Variants in CRBN observed in about 807,000 individuals in gnomAD.
CRBN encodes the protein protein cereblon.
Under a neutral mutation model 62.2 loss-of-function variants are expected in CRBN, and 53 were observed. That is an observed-to-expected ratio of 0.85 (90% CI 0.68 to 1.07). CRBN has a LOEUF of 1.07. Among genes scored for constraint, CRBN ranks in the 50% least tolerant of loss-of-function variants. CRBN has a pLI of 0.00. For synonymous variants in CRBN, 208 were observed against 176.1 expected (o/e 1.18, Z -1.43); for missense variants, 616 against 531.1 (o/e 1.16, Z -1.57).
At chr3:3,156,031 TG>T in intron 6 of CRBN, 187 bp downstream of exon 6, 1 of 584,892 alleles carries the variant, frequency 1.7e-6, no homozygotes, top group South Asian at 2.1e-5. Flanking sequence ...CTTGAATGCC[TG>T]GCTTCAAGCA....
At chr3:3,153,786 A>C (rs1468853299) in intron 8 of CRBN, 174 bp downstream of exon 8, 1 of 644,912 alleles carries the variant, frequency 1.6e-6, no homozygotes, top group Non-Finnish European at 2.8e-6. Context: ...TGATAAATGT[A>C]TTCATATTTG....
chr3:3,158,357 A>C lies in CRBN; in HGVS notation c.688-2076T>G, dbSNP rs78345121. Among the ~76,000 whole-genome samples, 131 of 152,298 alleles carry C rather than the reference A, an allele frequency of 8.6e-4. 4 individuals are homozygous for C. In the East Asian group the frequency reaches 0.024, roughly 28 times the overall value. On this transcript the variant is annotated intron_variant, in intron 5 of 10. Coordinates refer to ENST00000231948, the MANE Select transcript of CRBN (RefSeq NM_016302.4). ...CCCGGTTCCTAACAGGCCACAGACCAGTGCTGGTTCGTGGGCCAGGATTTG... is the reference window on the plus strand; with the variant it reads ...CCCGGTTCCTAACAGGCCACAGACCCGTGCTGGTTCGTGGGCCAGGATTTG...
intron 5 of CRBN, among the ~76,000 whole-genome samples, chr3:3,165,309 A>C (rs1332586975): frequency 2.0e-5 from 3 of 152,252 alleles, no homozygotes; most frequent in Admixed American, 6.5e-5. Flanking sequence ...AAGTTCTGAC[A>C]GGACTGACTC....
chr3:3,167,505 A>G, intron 5 of CRBN, 129 bp downstream of exon 5: 1 of 881,886 alleles, frequency 1.1e-6, no homozygotes, highest in Admixed American at 2.4e-5. Flanking sequence ...AGAGGATCAA[A>G]TGTAGCTGGA....
chr3:3,174,088 T>A lies in CRBN; in HGVS notation c.348A>T (p.Lys116Asn), dbSNP rs145695200. ...EVSMVRNLIQ[K>N]DRTFAVLAYS... ...ATGCAAGAACAGCAAAGGTTCTATC[T>A]TTCTGAATTAAATTCCGCACCATAC... is the stretch of plus-strand genomic sequence containing the variant. The change falls in exon 3 of 11, where the codon AAA becomes AAT. Residue 116 changes from lysine to asparagine, a missense_variant. Transcript: ENST00000231948. 1.2e-6 allele frequency: 2 copies of A among 1,614,166 alleles called. No individual in the cohort carries two copies. Among genetic ancestry groups the A allele is most frequent in the African/African-American group, 2.7e-5 (2 of 75,050 alleles).
At chr3:3,163,797 TCA>T (rs2126061722) in intron 5 of CRBN, among the ~76,000 whole-genome samples, 1 of 152,366 alleles carries the variant, frequency 6.6e-6, no homozygotes, top group East Asian at 1.9e-4. Context: ...ATACTGTGAT[TCA>T]CAGATACTGC....
rs565748193 is a variant in CRBN at position 3,154,739 on chromosome 3, T to C, written c.835+8A>G. On this transcript the variant is annotated splice_region_variant and intron_variant, in intron 7 of 10. Coordinates refer to ENST00000231948, the MANE Select transcript of CRBN (RefSeq NM_016302.4). ...CCAGGCTCCAGGCAGGAAACTAACT[T>C]TTCATACCTATTGGATTTGAAGGAA... 2.0e-6 allele frequency: 3 copies of C among 1,537,928 alleles called. No individual in the cohort carries two copies. In the South Asian group the frequency reaches 3.4e-5, roughly 17 times the overall value.
chr3:3,171,896 C>G (rs899818791), intron 4 of CRBN, among the ~76,000 whole-genome samples: 4 of 152,122 alleles, frequency 2.6e-5, no homozygotes, highest in African/African-American at 9.7e-5. Flanking sequence ...AAATTGGAAA[C>G]CAATTCACTA....
Position 3,151,018 on chromosome 3 carries a change from C to G in CRBN, c.1176G>C (p.Lys392Asn). 2 of 1,613,788 alleles carry G rather than the reference C, an allele frequency of 1.2e-6. No individual in the cohort carries two copies. Among genetic ancestry groups the G allele is most frequent in the East Asian group, 2.2e-5 (1 of 44,856 alleles). Residue 392 changes from lysine (K) to asparagine (N), a missense_variant, in exon 11 of 11, where the codon AAG becomes AAC. By Grantham distance (94) the Lys-to-Asn change is moderately conservative (BLOSUM62 0). Coordinates refer to ENST00000231948, the MANE Select transcript of CRBN (RefSeq NM_016302.4). ...TCCATCCAATATGGCTTGCACAGAT[C>G]TTACACTGGGCAACAGTCCAGGCAT... Reference protein sequence around the residue: ...PGYAWTVAQCKICASHIGWKF... With the variant: ...PGYAWTVAQCNICASHIGWKF...
intron 2 of CRBN, among the ~76,000 whole-genome samples, chr3:3,174,735 A>C (rs1035979871): frequency 1.3e-5 from 2 of 152,234 alleles, no homozygotes; most frequent in African/African-American, 4.8e-5. Flanking sequence ...TTTTAATCTA[A>C]CTTTAACTCT....
intron 5 of CRBN, among the ~76,000 whole-genome samples, chr3:3,160,966 A>T (rs943359734): frequency 3.3e-5 from 5 of 152,244 alleles, no homozygotes; most frequent in Non-Finnish European, 5.9e-5. Context: ...AATTTATATC[A>T]GGATCAACTG....
intron 4 of CRBN, chr3:3,172,564 G>T: frequency 1.7e-6 from 1 of 585,750 alleles, no homozygotes; most frequent in South Asian, 2.1e-5. Context: ...TGGGAGATGA[G>T]GTTGGAACTC....
intron 1 of CRBN, among the ~76,000 whole-genome samples, chr3:3,176,737 A>G (rs1707837523): frequency 6.6e-6 from 1 of 152,276 alleles, no homozygotes; most frequent in Non-Finnish European, 1.5e-5. Flanking sequence ...CTCCATCTCA[A>G]AAGAAAGAAA....
Position 3,156,002 on chromosome 3 carries a change from C to T in CRBN, c.750+217G>A, listed in dbSNP as rs1706875553. ...TTGTATTTGTAGAGATGGGGTTTCA[C>T]CATGTTGCCCAGGCTGGTCTTGAAT... is the stretch of plus-strand genomic sequence containing the variant. On this transcript the variant is annotated intron_variant, in intron 6 of 10. Coordinates refer to ENST00000231948, the MANE Select transcript of CRBN (RefSeq NM_016302.4). 9.7e-6 allele frequency: 5 copies of T among 516,700 alleles called. No homozygotes were observed. In the South Asian group the frequency reaches 1.1e-4, roughly 12 times the overall value. 32.0% of individuals were successfully genotyped at this position (516,700 alleles called of 1,614,324 possible).
At chr3:3,173,771 C>G (rs1211633390) in intron 3 of CRBN, 11 of 431,128 alleles carry the variant, frequency 2.6e-5, no homozygotes, top group Middle Eastern at 6.6e-4. Flanking sequence ...GTTATTGAAA[C>G]TAAGATTCCA....
At chr3:3,177,870 A>G (rs565394890) in intron 1 of CRBN, among the ~76,000 whole-genome samples, 4 of 152,242 alleles carry the variant, frequency 2.6e-5, no homozygotes, top group African/African-American at 9.6e-5. Flanking sequence ...CTTCAGAACA[A>G]CTCGTACTAC....
In CRBN at chr3:3,150,398, T is replaced by C. The variant is rs3933095; in HGVS notation, c.*467A>G. Reference sequence around the variant, plus strand: ...ATTAATATACATTGCCTTGCTTCTTTCCAAAAGGAACATGTACTTGTCACC... The same window carrying C: ...ATTAATATACATTGCCTTGCTTCTTCCCAAAAGGAACATGTACTTGTCACC... On this transcript the variant is annotated 3_prime_UTR_variant, in exon 11 of 11. Transcript: ENST00000231948. 1,674 of 154,002 alleles carry C rather than the reference T, an allele frequency of 0.011. 30 individuals are homozygous for C. Among genetic ancestry groups the C allele is most frequent in the Middle Eastern group, 0.027 (8 of 296 alleles). 9.5% of individuals were successfully genotyped at this position (154,002 alleles called of 1,614,324 possible).
chr3:3,151,147 G>C (rs1396187166), intron 10 of CRBN, 102 bp from the exon 11 acceptor site: 1 of 1,199,852 alleles, frequency 8.3e-7, no homozygotes, highest in East Asian at 2.5e-5. Flanking sequence ...AAATTCTAAG[G>C]ATTAGAGATT....
Position 3,151,336 on chromosome 3 carries a change from GACCACATTCTAACTTGTACTGGC to G in CRBN, c.1149-314_1149-292del, listed in dbSNP as rs373055891. On this transcript the variant is annotated intron_variant, in intron 10 of 10. Coordinates refer to ENST00000231948, the MANE Select transcript of CRBN (RefSeq NM_016302.4). Reference sequence around the variant, plus strand: ...CTTTATAGAAATTGCTGGTTGCCAAGACCACATTCTAACTTGTACTGGCACCACATTCTAACTTGTACTGGCTT... The same window carrying G: ...CTTTATAGAAATTGCTGGTTGCCAAGACCACATTCTAACTTGTACTGGCTT... Among the ~76,000 whole-genome samples the G allele has an allele frequency of 8.9e-4, 136 of 152,258 alleles. 1 individual carries two copies. Among genetic ancestry groups the G allele is most frequent in the South Asian group, 7.7e-3 (37 of 4,826 alleles).
Sources: gnomAD v4.1 joint callset for allele counts (sites outside exome capture counted in the v4.1 genomes callset) on GRCh38, gnomAD v4.1.1 for gene constraint, MANE v1.5 for transcripts, NCBI Gene and HGNC (gene_info 2026-07-23, HGNC 2026-07-21) for gene names.